Variants in NUFIP2 observed in about 807,000 individuals in gnomAD.
NUFIP2 encodes the protein FMR1-interacting protein NUFIP2.
In NUFIP2, 6 loss-of-function variants were observed where a neutral mutation model predicts 56.9. The ratio of observed to expected loss-of-function variants is 0.11; its 90% CI spans 0.06 to 0.21. The LOEUF (loss-of-function observed/expected upper bound fraction) is 0.21. NUFIP2 is among the 10% of genes least tolerant of loss of function. NUFIP2 has a pLI of 1.00. For missense variants in NUFIP2, 828 were observed against 826.8 expected (o/e 1.00, Z -0.02); for synonymous variants, 321 against 298.2 (o/e 1.08, Z -0.79).
chr17:29,268,697 A>C (rs1283208263), intron 2 of NUFIP2, among the ~76,000 whole-genome samples: 1 of 151,416 alleles, frequency 6.6e-6, no homozygotes, highest in Non-Finnish European at 1.5e-5. Flanking sequence ...TTGTATATAT[A>C]TATTTTTTTT....
chr17:29,282,643 C>T (rs1414385731), intron 2 of NUFIP2, among the ~76,000 whole-genome samples: 2 of 151,768 alleles, frequency 1.3e-5, no homozygotes, highest in African/African-American at 4.8e-5. Flanking sequence ...TGACATAACG[C>T]ACTCTCTTAC....
At chr17:29,289,223 G>A (rs997135689) in intron 1 of NUFIP2, among the ~76,000 whole-genome samples, 2 of 152,174 alleles carry the variant, frequency 1.3e-5, no homozygotes, top group South Asian at 2.1e-4. Flanking sequence ...GTTTTCCACT[G>A]TAACAAAATG....
Position 29,263,046 on chromosome 17 carries a change from A to G in NUFIP2, c.*1493T>C, listed in dbSNP as rs1268543018. On this transcript the variant is annotated 3_prime_UTR_variant, in exon 4 of 4. Transcript: ENST00000225388. ...AGTCTACTTTTATCAGAAGACTACA[A>G]CTCTTTATATAAATGCCCTGATATT... The G allele has an allele frequency of 7.9e-5, 12 of 152,426 alleles. No individual in the cohort carries two copies. The highest frequency in any genetic ancestry group is 1.6e-4 in the Non-Finnish European group (11 of 67,986). 9.4% of individuals were successfully genotyped at this position (152,426 alleles called of 1,614,324 possible). A position where few individuals can be genotyped will look rare whatever the true frequency, so the allele number is the denominator to read the frequency against.
chr17:29,280,679 C>T (rs2069134277), intron 2 of NUFIP2, among the ~76,000 whole-genome samples: 1 of 151,486 alleles, frequency 6.6e-6, no homozygotes, highest in Non-Finnish European at 1.5e-5. Context: ...GGGTGAGACC[C>T]TGTCTCTTAA....
At position 29,271,365 on chromosome 17, in the gene NUFIP2, C is replaced by T. The variant is rs564534282; in HGVS notation, c.2003-3835G>A. On this transcript the variant is annotated intron_variant, in intron 2 of 3. Coordinates refer to ENST00000225388, the MANE Select transcript of NUFIP2 (RefSeq NM_020772.3). Reference sequence around the variant, plus strand: ...CAGCCTGGCCAACATGGTGAAACCCCGTCTCTACTAAAAATACAAAAATTA... The same window carrying T: ...CAGCCTGGCCAACATGGTGAAACCCTGTCTCTACTAAAAATACAAAAATTA... 4.6e-5 allele frequency among the ~76,000 whole-genome samples: 7 copies of T among 151,948 alleles called. No homozygotes were observed. The South Asian group carries it at 8.3e-4, about 18-fold the overall frequency.
intron 1 of NUFIP2, among the ~76,000 whole-genome samples, chr17:29,292,520 G>A (rs978245186): frequency 1.8e-4 from 27 of 151,536 alleles, no homozygotes; most frequent in Non-Finnish European, 3.4e-4. Context: ...CTGTGGCAGA[G>A]AAACTCGTGA....
chr17:29,284,659 T>C (rs887824544), intron 2 of NUFIP2, among the ~76,000 whole-genome samples: 3 of 142,102 alleles, frequency 2.1e-5, no homozygotes, highest in Admixed American at 7.4e-5. Flanking sequence ...TGAGTCAAGA[T>C]TGCGCCACTG....
At chr17:29,289,843 GA>G (rs1328512484) in intron 1 of NUFIP2, among the ~76,000 whole-genome samples, 7 of 152,060 alleles carry the variant, frequency 4.6e-5, no homozygotes, top group Admixed American at 1.3e-4. Flanking sequence ...AGTAACCCAA[GA>G]AAACATACTC....
chr17:29,264,173 C>G lies in NUFIP2; in HGVS notation c.*366G>C, dbSNP rs1230338003. ...CCTTTCCAGTGGGTCATTTGTTGCC[C>G]AAGTTGATGACAGCAGGAACTTTAG... On this transcript the variant is annotated 3_prime_UTR_variant, in exon 4 of 4. Coordinates refer to ENST00000225388, the MANE Select transcript of NUFIP2 (RefSeq NM_020772.3). 6.6e-6 allele frequency: 1 copy of G among 152,462 alleles called. No individual in the cohort carries two copies. Among genetic ancestry groups the G allele is most frequent in the Non-Finnish European group, 1.5e-5 (1 of 68,116 alleles). The allele number at this position is 152,462 out of a possible 1,614,324, so 9.4% of individuals were successfully genotyped here.
chr17:29,293,017 C>G (rs1024226364), intron 1 of NUFIP2, among the ~76,000 whole-genome samples: 1 of 151,536 alleles, frequency 6.6e-6, no homozygotes, highest in Non-Finnish European at 1.5e-5. Context: ...CCCTCCGCTC[C>G]TCAGTGGGCC....
chr17:29,284,385 A>G (rs1490992836), intron 2 of NUFIP2, among the ~76,000 whole-genome samples: 1 of 152,156 alleles, frequency 6.6e-6, no homozygotes, highest in East Asian at 1.9e-4. Context: ...TTTCTTTAAG[A>G]CACAAACAAA....
chr17:29,279,482 T>C (rs2069127507), intron 2 of NUFIP2, among the ~76,000 whole-genome samples: 2 of 152,194 alleles, frequency 1.3e-5, no homozygotes. Context: ...CTACCCAAAT[T>C]GGTGCCATAT....
intron 3 of NUFIP2, 94 bp downstream of exon 3, chr17:29,267,403 AT>A (rs780533284): frequency 1.3e-5 from 9 of 691,822 alleles, no homozygotes; most frequent in Non-Finnish European, 2.3e-5. Context: ...TACAAAGTCT[AT>A]TTGGTAAATT....
intron 2 of NUFIP2, among the ~76,000 whole-genome samples, chr17:29,279,922 G>T (rs1369477354): frequency 6.6e-6 from 1 of 152,038 alleles, no homozygotes; most frequent in African/African-American, 2.4e-5. Context: ...AGATTCAAGC[G>T]ATTCTCCCAC....
At chr17:29,266,847 G>C (rs2069040124) in intron 3 of NUFIP2, among the ~76,000 whole-genome samples, 1 of 151,700 alleles carries the variant, frequency 6.6e-6, no homozygotes, top group South Asian at 2.1e-4. Context: ...ATCCTCGCCA[G>C]TCCTGGTATG....
intron 2 of NUFIP2, among the ~76,000 whole-genome samples, chr17:29,274,585 C>A (rs2069096132): frequency 6.6e-6 from 1 of 152,146 alleles, no homozygotes; most frequent in Admixed American, 6.5e-5. Context: ...GTGGTTGCAA[C>A]AAAGATGCTA....
In NUFIP2 at chr17:29,274,580, T is replaced by C. The variant is rs554159694; in HGVS notation, c.2003-7050A>G. ...AATGCAGAACCAAGTATTGAGTGGT[T>C]GCAACAAAGATGCTACGGTTCACAA... On this transcript the variant is annotated intron_variant, in intron 2 of 3. Coordinates refer to ENST00000225388, the MANE Select transcript of NUFIP2 (RefSeq NM_020772.3). 1.7e-4 allele frequency among the ~76,000 whole-genome samples: 26 copies of C among 152,322 alleles called. No homozygotes were observed. In the South Asian group the frequency reaches 5.2e-3, roughly 30 times the overall value.
chr17:29,291,831 G>C (rs1311485297), intron 1 of NUFIP2, among the ~76,000 whole-genome samples: 1 of 152,158 alleles, frequency 6.6e-6, no homozygotes, highest in East Asian at 1.9e-4. Flanking sequence ...TAACTCGTGC[G>C]TATGTGTTCA....
intron 2 of NUFIP2, among the ~76,000 whole-genome samples, chr17:29,281,351 G>A (rs1025706771): frequency 2.6e-5 from 4 of 151,698 alleles, no homozygotes; most frequent in Non-Finnish European, 5.9e-5. Flanking sequence ...AATTAGCTGG[G>A]CATTGCGGTG....
Sources: allele counts gnomAD v4.1 joint callset (sites outside exome capture counted in the v4.1 genomes callset), GRCh38; gene constraint gnomAD v4.1.1; transcripts MANE v1.5; gene names NCBI Gene and HGNC (gene_info 2026-07-23, HGNC 2026-07-21).